The following ABCA12 variants were observed in gnomAD, a reference collection of about 807,000 sequenced individuals.
The protein encoded by ABCA12 is glucosylceramide transporter ABCA12.
Under a neutral mutation model 293.5 loss-of-function variants are expected in ABCA12, and 156 were observed. The ratio of observed to expected loss-of-function variants is 0.53; its 90% CI spans 0.47 to 0.61. ABCA12 has a LOEUF of 0.61. ABCA12 is among the 20% of genes least tolerant of loss of function. The pLI is 0.00. For missense variants in ABCA12, 2,797 were observed against 3,090.2 expected (o/e 0.91, Z 2.25); for synonymous variants, 1,063 against 1,108.0 (o/e 0.96, Z 0.81).
intron 39 of ABCA12, 73 bp downstream of exon 39, chr2:214,966,775 G>T (rs1204239830): frequency 2.9e-6 from 4 of 1,366,088 alleles, no homozygotes; most frequent in Non-Finnish European, 4.2e-6. Flanking sequence ...GAAGAAACAG[G>T]ATATAAAGTG....
At chr2:214,992,525 T>C (rs866640054) in intron 23 of ABCA12, among the ~76,000 whole-genome samples, 2,321 of 94,942 alleles carry the variant, frequency 0.024, 39 homozygotes, top group African/African-American at 0.059. Flanking sequence ...CCCCCCCCTT[T>C]TTTTTTTTTT....
chr2:215,074,234 G>T (rs949004995), intron 2 of ABCA12, among the ~76,000 whole-genome samples: 2 of 152,128 alleles, frequency 1.3e-5, no homozygotes, highest in Non-Finnish European at 2.9e-5. Flanking sequence ...AGGAAGAAAC[G>T]TCTTACATAA....
chr2:215,100,764 A>T (rs1303746843), intron 2 of ABCA12, among the ~76,000 whole-genome samples: 1 of 152,202 alleles, frequency 6.6e-6, no homozygotes, highest in African/African-American at 2.4e-5. Flanking sequence ...CTCCAGAAGC[A>T]TCTTTTTTTA....
intron 7 of ABCA12, among the ~76,000 whole-genome samples, chr2:215,043,000 A>C (rs1253626224): frequency 1.3e-5 from 2 of 152,090 alleles, no homozygotes; most frequent in East Asian, 3.8e-4. Flanking sequence ...ATTATTTTCC[A>C]CAATGGCCAT....
At chr2:214,938,033 G>A (rs1264901028) in intron 50 of ABCA12, among the ~76,000 whole-genome samples, 2 of 152,010 alleles carry the variant, frequency 1.3e-5, no homozygotes, top group East Asian at 3.9e-4. Flanking sequence ...GTATACATGT[G>A]CCGTGGTGGT....
intron 1 of ABCA12, among the ~76,000 whole-genome samples, chr2:215,125,893 T>C (rs1300365268): frequency 1.3e-5 from 2 of 152,148 alleles, no homozygotes; most frequent in South Asian, 2.1e-4. Context: ...GGGAATGCTT[T>C]CAACTTTTCC....
rs566581124 is a variant in ABCA12, at chr2:215,036,051, A to G, written c.985+902T>C. On this transcript the variant is annotated intron_variant, in intron 8 of 52. Coordinates refer to ENST00000272895, the MANE Select transcript of ABCA12 (RefSeq NM_173076.3). Reference sequence around the variant, plus strand: ...TAGCCTAAACTTTTTTTTTAAGAGTAATCCTGTTTTTCTAATGGACGTCAA... The same window carrying G: ...TAGCCTAAACTTTTTTTTTAAGAGTGATCCTGTTTTTCTAATGGACGTCAA... Among the ~76,000 whole-genome samples, 42 of 152,244 alleles carry G rather than the reference A, an allele frequency of 2.8e-4. 1 individual carries two copies. The highest frequency in any genetic ancestry group is 3.4e-3 in the Middle Eastern group (1 of 294).
intron 1 of ABCA12, among the ~76,000 whole-genome samples, chr2:215,129,609 C>T (rs545025158): frequency 5.9e-5 from 9 of 152,140 alleles, no homozygotes; most frequent in South Asian, 4.2e-4. Context: ...TGTTTGAGTT[C>T]GTTATAGATT....
At chr2:215,104,786 A>G (rs1300764229) in intron 2 of ABCA12, among the ~76,000 whole-genome samples, 1 of 152,144 alleles carries the variant, frequency 6.6e-6, no homozygotes, top group South Asian at 2.1e-4. Flanking sequence ...TCTCCTACAT[A>G]TTTGGAACTC....
intron 39 of ABCA12, among the ~76,000 whole-genome samples, chr2:214,964,564 A>G (rs1310333037): frequency 6.6e-6 from 1 of 152,186 alleles, no homozygotes; most frequent in East Asian, 1.9e-4. Context: ...AAAAATTGCT[A>G]GCATTCCTAT....
chr2:215,051,397 C>T (rs771307291), intron 5 of ABCA12, among the ~76,000 whole-genome samples: 8 of 152,118 alleles, frequency 5.3e-5, no homozygotes, highest in East Asian at 1.9e-4. Flanking sequence ...TCCTGGAGTC[C>T]GCTTTTGTGC....
At chr2:215,114,338 T>C (rs767079591) in intron 1 of ABCA12, among the ~76,000 whole-genome samples, 2 of 152,180 alleles carry the variant, frequency 1.3e-5, no homozygotes, top group African/African-American at 2.4e-5. Flanking sequence ...ATAATCCTTT[T>C]TATTTTATTT....
At chr2:215,065,242 C>T (rs1701617882) in intron 2 of ABCA12, among the ~76,000 whole-genome samples, 1 of 91,538 alleles carries the variant, frequency 1.1e-5, no homozygotes, top group South Asian at 3.4e-4. Context: ...TCAAAAAAGG[C>T]AAGTTTAGGA....
chr2:214,983,473 C>T (rs1295066936), intron 29 of ABCA12, among the ~76,000 whole-genome samples, 174 bp downstream of exon 29: 4 of 151,900 alleles, frequency 2.6e-5, no homozygotes, highest in Admixed American at 6.6e-5. Context: ...AATAACTGGC[C>T]GGTAAGGATA....
chr2:214,999,652 C>T (rs1264819332), intron 22 of ABCA12: 2 of 280,550 alleles, frequency 7.1e-6, no homozygotes, highest in African/African-American at 2.3e-5. Flanking sequence ...AGAATTATAA[C>T]TTCATTGACC....
At chr2:215,080,006 T>C (rs552951460) in intron 2 of ABCA12, among the ~76,000 whole-genome samples, 4 of 152,342 alleles carry the variant, frequency 2.6e-5, no homozygotes, top group African/African-American at 9.6e-5. Context: ...TTAATTCTTA[T>C]AACAACTCGG....
chr2:215,059,534 A>T (rs1159558585), intron 3 of ABCA12, among the ~76,000 whole-genome samples: 1 of 152,024 alleles, frequency 6.6e-6, no homozygotes, highest in Non-Finnish European at 1.5e-5. Context: ...TTTAGAAATG[A>T]CTTAATATGT....
Position 214,990,757 on chromosome 2 carries a change from A to C in ABCA12, c.3569T>G (p.Phe1190Cys). 6.2e-7 allele frequency: 1 copy of C among 1,614,116 alleles called. No individual in the cohort carries two copies. The highest frequency in any genetic ancestry group is 8.5e-7 in the Non-Finnish European group (1 of 1,179,980). ...SLIYIIAFFP[F>C]IVLVTVENEL... is the part of the protein sequence containing the mutation. ...ATTCTCCACTGTAACCAGAACAATA[A>C]ATGGAAAGAAGGCAATGATGTAGAT... The change falls in exon 24 of 53, where the codon TTT becomes TGT. Residue 1190 changes from phenylalanine to cysteine, a missense_variant. Coordinates refer to ENST00000272895, the MANE Select transcript of ABCA12 (RefSeq NM_173076.3).
chr2:215,004,304 C>A lies in ABCA12; in HGVS notation c.2593-5G>T, dbSNP rs751815981. ...AAAAGGGTTCCTTAGAGTATTCTAA[C>A]AAATAATAATTAAAAATCAGTTTCA... On this transcript the variant is annotated splice_region_variant and splice_polypyrimidine_tract_variant and intron_variant, in intron 19 of 52. Coordinates refer to ENST00000272895, the MANE Select transcript of ABCA12 (RefSeq NM_173076.3). 8 of 1,601,154 alleles carry A rather than the reference C, an allele frequency of 5.0e-6. No individual in the cohort carries two copies. The highest frequency in any genetic ancestry group is 2.2e-5 in the East Asian group (1 of 44,802).
Sources: allele counts gnomAD v4.1 joint callset (sites outside exome capture counted in the v4.1 genomes callset), GRCh38; gene constraint gnomAD v4.1.1; transcripts MANE v1.5; gene names NCBI Gene and HGNC (gene_info 2026-07-23, HGNC 2026-07-21).